Variants in ELMO1 observed in about 807,000 individuals in gnomAD.
ELMO1 encodes engulfment and cell motility protein 1.
ELMO1 carries 26 observed loss-of-function variants against 98.9 expected under a neutral mutation model. That is an observed-to-expected ratio of 0.26 (90% CI 0.19 to 0.36). The LOEUF (loss-of-function observed/expected upper bound fraction) is 0.36. Among genes scored for constraint, ELMO1 ranks in the 10% least tolerant of loss-of-function variants. The pLI, the probability that ELMO1 is intolerant of heterozygous loss-of-function variation, is 1.00. For synonymous variants in ELMO1, 346 were observed against 346.0 expected, an observed-to-expected ratio of 1.00 and a Z score of 0.00; for missense variants, 627 against 935.2, an observed-to-expected ratio of 0.67 and a Z score of 4.30.
intron 16 of ELMO1, among the ~76,000 whole-genome samples, chr7:36,920,823 T>C (rs772502999): frequency 5.9e-5 from 9 of 152,184 alleles, no homozygotes; most frequent in Non-Finnish European, 1.2e-4. Flanking sequence ...CTCTCTTCTC[T>C]ATGAACCCCA....
intron 15 of ELMO1, among the ~76,000 whole-genome samples, chr7:37,095,655 G>A (rs1310733238): frequency 6.6e-6 from 1 of 152,064 alleles, no homozygotes; most frequent in Non-Finnish European, 1.5e-5. Context: ...AAATTTTCTA[G>A]TTTATTTCAG....
intron 1 of ELMO1, among the ~76,000 whole-genome samples, chr7:37,397,400 C>T (rs561862151): frequency 4.6e-4 from 70 of 152,294 alleles, no homozygotes; most frequent in African/African-American, 1.6e-3. Context: ...ATGAGGAATA[C>T]ATAGGGTAAA....
intron 19 of ELMO1, among the ~76,000 whole-genome samples, chr7:36,875,467 T>G (rs1393593272): frequency 2.0e-5 from 3 of 152,252 alleles, no homozygotes; most frequent in Non-Finnish European, 4.4e-5. Flanking sequence ...GTATGCATTG[T>G]TAGTTCATCT....
chr7:37,273,930 C>A (rs776080066), intron 4 of ELMO1, among the ~76,000 whole-genome samples: 12 of 152,208 alleles, frequency 7.9e-5, no homozygotes, highest in East Asian at 3.9e-4. Context: ...AAAGGGGCAG[C>A]CTTCAGGCCA....
Position 37,314,932 on chromosome 7 carries a change from A to G in ELMO1, c.120-10T>C, listed in dbSNP as rs189136057. On this transcript the variant is annotated splice_polypyrimidine_tract_variant and intron_variant, in intron 3 of 21. Transcript: ENST00000310758. ...GTTGGCAAGAGACCACCTTAAAAAT[A>G]CAAGCGTATACTGATTAGAAAAATG... 2.3e-4 allele frequency: 361 copies of G among 1,603,468 alleles called. 2 individuals carry two copies. In the East Asian group the frequency reaches 6.5e-3, roughly 29 times the overall value.
chr7:37,071,091 TG>T (rs1445133730), intron 15 of ELMO1, among the ~76,000 whole-genome samples: 1 of 152,210 alleles, frequency 6.6e-6, no homozygotes, highest in Non-Finnish European at 1.5e-5. Context: ...GGTTACATGA[TG>T]GTATACAATT....
At chr7:37,411,604 C>G (rs1803995311) in intron 1 of ELMO1, among the ~76,000 whole-genome samples, 1 of 152,054 alleles carries the variant, frequency 6.6e-6, no homozygotes, top group Non-Finnish European at 1.5e-5. Context: ...CCATACAGTC[C>G]ACAGAAATGG....
At chr7:36,956,866 A>C (rs1386384369) in intron 16 of ELMO1, among the ~76,000 whole-genome samples, 1 of 152,242 alleles carries the variant, frequency 6.6e-6, no homozygotes, top group African/African-American at 2.4e-5. Flanking sequence ...TCATGAGCCA[A>C]GGAAAGCACG....
At chr7:37,210,157 A>G (rs1207684333) in intron 13 of ELMO1, among the ~76,000 whole-genome samples, 1 of 152,114 alleles carries the variant, frequency 6.6e-6, no homozygotes, top group East Asian at 1.9e-4. Context: ...GCAATTAGAC[A>G]GTATCAAAAG....
chr7:36,971,169 C>T (rs996487101), intron 16 of ELMO1, among the ~76,000 whole-genome samples: 1 of 152,242 alleles, frequency 6.6e-6, no homozygotes, highest in African/African-American at 2.4e-5. Context: ...TCTAGAAACA[C>T]TGAGTTTCAC....
At chr7:37,168,734 T>G (rs1789928096) in intron 13 of ELMO1, among the ~76,000 whole-genome samples, 1 of 152,206 alleles carries the variant, frequency 6.6e-6, no homozygotes, top group Admixed American at 6.5e-5. Flanking sequence ...GTGTGAAGTG[T>G]CAGTCTGCCC....
intron 16 of ELMO1, among the ~76,000 whole-genome samples, chr7:36,954,470 C>A (rs560647797): frequency 6.6e-6 from 1 of 152,280 alleles, no homozygotes; most frequent in South Asian, 2.1e-4. Context: ...TGATGGGAGA[C>A]TGCAGTGGGT....
intron 4 of ELMO1, 40 bp downstream of exon 4, chr7:37,314,809 CT>C: frequency 6.4e-7 from 1 of 1,556,526 alleles, no homozygotes; most frequent in Non-Finnish European, 8.8e-7. Flanking sequence ...ATTTACTTTC[CT>C]TCAATATGTA....
At chr7:37,000,393 G>A (rs907078899) in intron 16 of ELMO1, among the ~76,000 whole-genome samples, 10 of 152,112 alleles carry the variant, frequency 6.6e-5, no homozygotes, top group South Asian at 4.1e-4. Flanking sequence ...GCCAAGCCAC[G>A]CAAACAAATA....
intron 16 of ELMO1, among the ~76,000 whole-genome samples, chr7:36,989,196 T>A (rs985596606): frequency 6.6e-6 from 1 of 152,178 alleles, no homozygotes; most frequent in East Asian, 1.9e-4. Context: ...CTCTGTGAGA[T>A]GTTATTACAC....
At position 37,219,869 on chromosome 7, in the gene ELMO1, C is replaced by T. The variant is rs375437703; in HGVS notation, c.780+2746G>A. ...TGAACACTGCTTGGCACATGCCAGA[C>T]TCTCAATAATATTATCATTGATGGC... On this transcript the variant is annotated intron_variant, in intron 10 of 21. Transcript: ENST00000310758. Among the ~76,000 whole-genome samples, 4 of 152,372 alleles carry T rather than the reference C, an allele frequency of 2.6e-5. No individual in the cohort carries two copies. In the East Asian group the frequency reaches 5.8e-4, roughly 22 times the overall value.
intron 15 of ELMO1, among the ~76,000 whole-genome samples, chr7:37,063,629 C>T (rs1437826845): frequency 6.6e-6 from 1 of 152,178 alleles, no homozygotes; most frequent in Non-Finnish European, 1.5e-5. Flanking sequence ...TTCATCACAG[C>T]TTCTACCATC....
chr7:36,894,436 C>A (rs1805813540), intron 17 of ELMO1, among the ~76,000 whole-genome samples: 1 of 152,202 alleles, frequency 6.6e-6, no homozygotes, highest in South Asian at 2.1e-4. Flanking sequence ...TAGATTCATG[C>A]TACTTTCATT....
At chr7:36,932,443 A>G (rs1425436509) in intron 16 of ELMO1, among the ~76,000 whole-genome samples, 2 of 152,350 alleles carry the variant, frequency 1.3e-5, no homozygotes, top group African/African-American at 4.8e-5. Flanking sequence ...AAATGCATGG[A>G]TGAAAAAATC....
Sources: allele counts gnomAD v4.1 joint callset (sites outside exome capture counted in the v4.1 genomes callset), GRCh38; gene constraint gnomAD v4.1.1; transcripts MANE v1.5; gene names NCBI Gene and HGNC (gene_info 2026-07-23, HGNC 2026-07-21).